Variants in DSCAM observed in about 807,000 individuals in gnomAD.
DSCAM encodes DS cell adhesion molecule.
In DSCAM, 47 loss-of-function variants were observed where a neutral mutation model predicts 217.7. The ratio of observed to expected loss-of-function variants is 0.22; its 90% CI spans 0.17 to 0.28. The LOEUF is 0.28. Ranked by LOEUF, DSCAM falls within the 10% of genes least tolerant of loss-of-function variation. DSCAM has a pLI of 1.00. For missense variants in DSCAM, 2,080 were observed against 2,618.3 expected (o/e 0.79, Z 4.49); for synonymous variants, 1,056 against 1,015.3 (o/e 1.04, Z -0.76).
intron 3 of DSCAM, among the ~76,000 whole-genome samples, chr21:40,681,800 G>A (rs1184749199): frequency 6.6e-6 from 1 of 152,108 alleles, no homozygotes; most frequent in Non-Finnish European, 1.5e-5. Flanking sequence ...GAAATGCAAA[G>A]ACACACACAG....
At chr21:40,628,653 G>A (rs1263128009) in intron 3 of DSCAM, among the ~76,000 whole-genome samples, 1 of 152,138 alleles carries the variant, frequency 6.6e-6, no homozygotes, top group Non-Finnish European at 1.5e-5. Context: ...TGAGTTAATA[G>A]ATGAAAAACA....
Position 40,492,684 on chromosome 21 carries a change from G to A in DSCAM, c.509-123439C>T, listed in dbSNP as rs1222182678. On this transcript the variant is annotated intron_variant, in intron 3 of 32. Coordinates refer to ENST00000400454, the MANE Select transcript of DSCAM (RefSeq NM_001389.5). ...AAGAAGAAATTATATAATTAGAACAGAAAAAAAGAAAGAATGAGAAAATTT... is the reference window on the plus strand; with the variant it reads ...AAGAAGAAATTATATAATTAGAACAAAAAAAAAGAAAGAATGAGAAAATTT... Among the ~76,000 whole-genome samples the A allele has an allele frequency of 7.0e-5, 5 of 70,966 alleles. No homozygotes were observed. The African/African-American group carries it at 7.5e-4, about 11-fold the overall frequency. 46.6% of individuals were successfully genotyped at this position (70,966 alleles called of 152,430 possible). A position where few individuals can be genotyped will look rare whatever the true frequency, so the allele number is the denominator to read the frequency against.
At chr21:40,609,703 G>C (rs2089288597) in intron 3 of DSCAM, among the ~76,000 whole-genome samples, 1 of 152,124 alleles carries the variant, frequency 6.6e-6, no homozygotes, top group Admixed American at 6.5e-5. Flanking sequence ...TGGGGAAGAT[G>C]GTAAAAAAGA....
intron 3 of DSCAM, among the ~76,000 whole-genome samples, chr21:40,442,366 T>C (rs963865122): frequency 6.6e-6 from 1 of 151,526 alleles, no homozygotes; most frequent in Non-Finnish European, 1.5e-5. Flanking sequence ...TTTTAAAATT[T>C]ACTAGTTTTT....
chr21:40,255,890 C>T (rs1432076732), intron 11 of DSCAM, among the ~76,000 whole-genome samples: 1 of 152,202 alleles, frequency 6.6e-6, no homozygotes, highest in Non-Finnish European at 1.5e-5. Flanking sequence ...AAATTCTCTC[C>T]CAGGTCCTCC....
intron 1 of DSCAM, among the ~76,000 whole-genome samples, chr21:40,721,393 A>G (rs969291846): frequency 2.0e-5 from 3 of 152,214 alleles, no homozygotes; most frequent in Non-Finnish European, 4.4e-5. Context: ...TCACTCTTAT[A>G]AATATTCTGT....
intron 1 of DSCAM, among the ~76,000 whole-genome samples, chr21:40,807,689 GA>G (rs2123526733): frequency 6.6e-6 from 1 of 152,300 alleles, no homozygotes; most frequent in Admixed American, 6.5e-5. Flanking sequence ...AAGTGGGACA[GA>G]GAAGTAATAA....
intron 15 of DSCAM, among the ~76,000 whole-genome samples, chr21:40,172,201 G>A (rs1196640703): frequency 2.6e-5 from 4 of 152,162 alleles, no homozygotes; most frequent in African/African-American, 4.8e-5. Context: ...CCCAGGAGGC[G>A]GAGGTTGTAG....
At chr21:40,334,265 T>G (rs1417532729) in intron 8 of DSCAM, among the ~76,000 whole-genome samples, 1 of 152,138 alleles carries the variant, frequency 6.6e-6, no homozygotes, top group East Asian at 1.9e-4. Flanking sequence ...CAGCATCCAC[T>G]TCTTTGTTTA....
Position 40,241,812 on chromosome 21 carries a change from G to A in DSCAM, c.2356+34285C>T, listed in dbSNP as rs527969281. On this transcript the variant is annotated intron_variant, in intron 11 of 32. Coordinates refer to ENST00000400454, the MANE Select transcript of DSCAM (RefSeq NM_001389.5). ...ATATATACACCATGGAATACCATGC[G>A]GCCATAAAAAAGAATGAGATCACGT... is the stretch of plus-strand genomic sequence containing the variant. 4.6e-5 allele frequency among the ~76,000 whole-genome samples: 7 copies of A among 152,228 alleles called. No homozygotes were observed. In the East Asian group the frequency reaches 7.7e-4, roughly 17 times the overall value.
At chr21:40,766,027 G>C (rs564874657) in intron 1 of DSCAM, among the ~76,000 whole-genome samples, 2 of 152,212 alleles carry the variant, frequency 1.3e-5, no homozygotes, top group African/African-American at 2.4e-5. Flanking sequence ...CAGGGAGCTC[G>C]TGACAGCTGG....
rs751251527 is a variant in DSCAM at position 40,144,481 on chromosome 21, C to T, written c.3259+10G>A. ...GGGAAAAGCCACGACCAGGCCCCGGCCGAACCTACCATCCTCGAGAGTGGT... is the reference window on the plus strand; with the variant it reads ...GGGAAAAGCCACGACCAGGCCCCGGTCGAACCTACCATCCTCGAGAGTGGT... On this transcript the variant is annotated intron_variant, in intron 17 of 32. Coordinates refer to ENST00000400454, the MANE Select transcript of DSCAM (RefSeq NM_001389.5). This position sits in a 1 kb window ranked among gnomAD's most constrained non-coding sequence, Gnocchi z 4.8. 2.5e-6 allele frequency: 4 copies of T among 1,613,296 alleles called. No individual in the cohort carries two copies. Among genetic ancestry groups the T allele is most frequent in the Non-Finnish European group, 3.4e-6 (4 of 1,179,294 alleles).
At chr21:40,382,107 A>G (rs905183036) in intron 3 of DSCAM, among the ~76,000 whole-genome samples, 1 of 152,234 alleles carries the variant, frequency 6.6e-6, no homozygotes, top group East Asian at 1.9e-4. Flanking sequence ...TCCGTTTCAA[A>G]GCAAGGCTAA....
chr21:40,745,908 T>C (rs1268698328), intron 1 of DSCAM, among the ~76,000 whole-genome samples: 1 of 151,824 alleles, frequency 6.6e-6, no homozygotes, highest in Non-Finnish European at 1.5e-5. Flanking sequence ...AAAATGAACG[T>C]GTGTGGGATG....
At chr21:40,238,229 A>C (rs2073104213) in intron 11 of DSCAM, among the ~76,000 whole-genome samples, 1 of 152,140 alleles carries the variant, frequency 6.6e-6, no homozygotes, top group African/African-American at 2.4e-5. Context: ...TGTGGTCTGG[A>C]AAGTGGAATG....
At chr21:40,357,271 G>T (rs1275507779) in intron 4 of DSCAM, among the ~76,000 whole-genome samples, 3 of 152,184 alleles carry the variant, frequency 2.0e-5, no homozygotes, top group African/African-American at 7.2e-5. Flanking sequence ...TTGGTTTGAA[G>T]ATCAAGTTAT....
intron 3 of DSCAM, among the ~76,000 whole-genome samples, chr21:40,429,626 G>C (rs1270059588): frequency 6.6e-6 from 1 of 152,202 alleles, no homozygotes; most frequent in South Asian, 2.1e-4. Context: ...CCAGCTCAGG[G>C]CTGCCACTTG....
chr21:40,742,911 A>G (rs2091138050), intron 1 of DSCAM, among the ~76,000 whole-genome samples: 1 of 152,200 alleles, frequency 6.6e-6, no homozygotes, highest in Non-Finnish European at 1.5e-5. Context: ...GAGGAAATAC[A>G]ATTATCAAAA....
intron 6 of DSCAM, among the ~76,000 whole-genome samples, chr21:40,343,605 C>T (rs2074522908): frequency 6.6e-6 from 1 of 152,204 alleles, no homozygotes; most frequent in East Asian, 1.9e-4. Flanking sequence ...TTTTAATGTT[C>T]TTCCAATCTT....
Sources: gnomAD v4.1 joint callset for allele counts (sites outside exome capture counted in the v4.1 genomes callset) on GRCh38, gnomAD v4.1.1 for gene constraint, Gnocchi (gnomAD v3.1) non-coding constraint, MANE v1.5 for transcripts, NCBI Gene and HGNC (gene_info 2026-07-23, HGNC 2026-07-21) for gene names.